Variants in DOCK10 observed in about 807,000 individuals in gnomAD.
DOCK10 encodes the protein dedicator of cytokinesis protein 10.
A neutral mutation model predicts 280.1 loss-of-function variants in DOCK10; 145 were observed. That is an observed-to-expected ratio of 0.52 (90% CI 0.45 to 0.59). The LOEUF is 0.59. Ranked by LOEUF, DOCK10 falls within the 20% of genes least tolerant of loss-of-function variation. The pLI, the probability that DOCK10 is intolerant of heterozygous loss-of-function variation, is 0.00. For missense variants in DOCK10, 2,368 were observed against 2,651.7 expected, an observed-to-expected ratio of 0.89 and a Z score of 2.35; for synonymous variants, 915 against 942.2, an observed-to-expected ratio of 0.97 and a Z score of 0.53.
chr2:224,792,025 G>A (rs1432392591), intron 47 of DOCK10, among the ~76,000 whole-genome samples: 1 of 151,986 alleles, frequency 6.6e-6, no homozygotes, highest in African/African-American at 2.4e-5. Context: ...CATAAAATTT[G>A]GATTCAAACA....
intron 11 of DOCK10, among the ~76,000 whole-genome samples, chr2:224,868,861 T>C (rs1698090714): frequency 6.6e-6 from 1 of 152,090 alleles, no homozygotes; most frequent in Non-Finnish European, 1.5e-5. Context: ...ACAACTAAAG[T>C]GGGAACTCAA....
At chr2:224,890,528 C>T (rs1001529918) in intron 4 of DOCK10, among the ~76,000 whole-genome samples, 1 of 152,166 alleles carries the variant, frequency 6.6e-6, no homozygotes, top group African/African-American at 2.4e-5. Context: ...CAACTCAGCT[C>T]AGAATGCCGC....
intron 14 of DOCK10, among the ~76,000 whole-genome samples, chr2:224,859,601 G>A (rs1025698027): frequency 2.0e-5 from 3 of 152,192 alleles, no homozygotes; most frequent in Admixed American, 6.5e-5. Flanking sequence ...TGTGCATACT[G>A]CAGTGGGTGG....
chr2:224,780,744 A>G (rs1262846384), intron 50 of DOCK10, among the ~76,000 whole-genome samples: 1 of 152,070 alleles, frequency 6.6e-6, no homozygotes, highest in East Asian at 1.9e-4. Context: ...CTCTAAAAAT[A>G]CAAAAATTAG....
chr2:224,784,315 C>T (rs1375665551), intron 50 of DOCK10, among the ~76,000 whole-genome samples: 2 of 152,214 alleles, frequency 1.3e-5, no homozygotes, highest in African/African-American at 4.8e-5. Flanking sequence ...ATAACCATCA[C>T]TCCAACTTCC....
intron 1 of DOCK10, chr2:224,983,666 TG>T (rs1239190549): frequency 4.6e-6 from 2 of 431,202 alleles, no homozygotes; most frequent in Non-Finnish European, 9.6e-6. Flanking sequence ...AGGCATTAAT[TG>T]CTCAGTAATC....
chr2:224,967,299 CT>C (rs1704824723), intron 1 of DOCK10, among the ~76,000 whole-genome samples: 1 of 152,164 alleles, frequency 6.6e-6, no homozygotes, highest in South Asian at 2.1e-4. Flanking sequence ...TCAGGATGGT[CT>C]TTATCTCCTG....
In DOCK10 at chr2:224,932,158, G is replaced by A. The variant is rs189466193; in HGVS notation, c.124-490C>T. On this transcript the variant is annotated intron_variant, in intron 1 of 55. Coordinates refer to ENST00000258390, the MANE Select transcript of DOCK10 (RefSeq NM_014689.3). ...TGGTTGTCACGAACACATGGATCCT[G>A]TGTCAGGATTAATTGCTTGGCTCTG... Among the ~76,000 whole-genome samples the A allele has an allele frequency of 2.2e-4, 33 of 152,284 alleles. No individual in the cohort carries two copies. In the East Asian group the frequency reaches 3.3e-3, roughly 15 times the overall value.
chr2:224,993,287 T>C (rs1212294753), intron 1 of DOCK10, among the ~76,000 whole-genome samples: 1 of 152,130 alleles, frequency 6.6e-6, no homozygotes, highest in Non-Finnish European at 1.5e-5. Flanking sequence ...CTTCTGTTCT[T>C]TGTTTCTGCA....
chr2:224,960,254 C>A (rs1395611561), intron 1 of DOCK10, among the ~76,000 whole-genome samples: 1 of 152,152 alleles, frequency 6.6e-6, no homozygotes, highest in Non-Finnish European at 1.5e-5. Context: ...TTGCTTAGCT[C>A]TTCCTCCAGT....
At chr2:224,973,112 A>G (rs1705191478) in intron 1 of DOCK10, among the ~76,000 whole-genome samples, 1 of 152,236 alleles carries the variant, frequency 6.6e-6, no homozygotes, top group African/African-American at 2.4e-5. Context: ...TCAATAAGAC[A>G]ATATACACAA....
chr2:224,851,461 A>ATT (rs1371091009), intron 18 of DOCK10, among the ~76,000 whole-genome samples: 1 of 137,968 alleles, frequency 7.2e-6, no homozygotes, highest in African/African-American at 2.6e-5. Context: ...TTTTTTTTAA[A>ATT]AAAAAAAAAA....
chr2:225,013,622 A>G (rs1275812515), intron 1 of DOCK10, among the ~76,000 whole-genome samples: 2 of 152,168 alleles, frequency 1.3e-5, no homozygotes, highest in African/African-American at 4.8e-5. Flanking sequence ...CATTCCCTAG[A>G]TAATAACCTC....
intron 2 of DOCK10, among the ~76,000 whole-genome samples, chr2:224,918,015 A>T (rs182485884): frequency 3.9e-4 from 59 of 152,210 alleles, no homozygotes; most frequent in Non-Finnish European, 7.4e-4. Context: ...CTCCAAACCC[A>T]TCCTCAGTAT....
rs1346740344 is a variant in DOCK10, at chr2:224,865,073, A to G, written c.1272T>C (p.Phe424=). 1.9e-6 allele frequency: 3 copies of G among 1,612,510 alleles called. No individual in the cohort carries two copies. Among genetic ancestry groups the G allele is most frequent in the Non-Finnish European group, 2.5e-6 (3 of 1,179,242 alleles). Residue 424 remains phenylalanine (F), a synonymous_variant, in exon 12 of 56, where the codon TTT becomes TTC. Coordinates refer to ENST00000258390, the MANE Select transcript of DOCK10 (RefSeq NM_014689.3). ...TGAGGTCATAAAGTGCCACACTCAC[A>G]AAAAAAGGCTCAATCTGCATGAAAA... ...NDPITNIEPF[F]VSVALYDLRD...
chr2:224,914,649 A>G (rs1412398617), intron 3 of DOCK10, among the ~76,000 whole-genome samples: 1 of 152,210 alleles, frequency 6.6e-6, no homozygotes, highest in Non-Finnish European at 1.5e-5. Flanking sequence ...AAGAAACGCC[A>G]GAAACGAACA....
chr2:224,794,536 G>A (rs1036654504), intron 45 of DOCK10, among the ~76,000 whole-genome samples: 1 of 152,134 alleles, frequency 6.6e-6, no homozygotes, highest in African/African-American at 2.4e-5. Flanking sequence ...TAGTTGCAGA[G>A]AAGAAGTTTT....
intron 15 of DOCK10, 50 bp from the exon 16 acceptor site, chr2:224,855,092 C>CACACAA: frequency 8.5e-7 from 1 of 1,179,976 alleles, no homozygotes. Flanking sequence ...CACACACACA[C>CACACAA]ACACACACAG....
chr2:224,849,460 C>T, intron 19 of DOCK10, 47 bp downstream of exon 19: 1 of 1,377,860 alleles, frequency 7.3e-7, no homozygotes, highest in Non-Finnish European at 1.0e-6. Context: ...GAACATTTAC[C>T]CACCTTTCTT....
Sources: gnomAD v4.1 joint callset for allele counts (sites outside exome capture counted in the v4.1 genomes callset) on GRCh38, gnomAD v4.1.1 for gene constraint, MANE v1.5 for transcripts, NCBI Gene and HGNC (gene_info 2026-07-23, HGNC 2026-07-21) for gene names.